ANK2: variants seen among roughly 807,000 people sequenced by gnomAD.
ANK2 encodes the protein ankyrin-2.
In ANK2, 83 loss-of-function variants were observed where a neutral mutation model predicts 360.5. The observed-to-expected ratio is 0.23, with a 90% CI of 0.19 to 0.28. ANK2 has a LOEUF of 0.28. ANK2 is among the 10% of genes least tolerant of loss of function. The probability of loss-of-function intolerance (pLI) is 1.00; values close to 1 mark genes in which losing one functional copy is unlikely to be tolerated. For missense variants in ANK2, 4,201 were observed against 4,795.7 expected (o/e 0.88, Z 3.66); for synonymous variants, 1,740 against 1,759.5 (o/e 0.99, Z 0.28).
intron 1 of ANK2, among the ~76,000 whole-genome samples, chr4:113,171,553 AG>A (rs2097951644): frequency 1.3e-5 from 2 of 152,274 alleles, no homozygotes; most frequent in South Asian, 2.1e-4. Context: ...AATCCCTTAA[AG>A]GGGTTCTAGA....
At chr4:112,814,217 T>C (rs1233183156), upstream of ANK2, among the ~76,000 whole-genome samples, 2 of 152,222 alleles carry the variant, frequency 1.3e-5, no homozygotes, top group Non-Finnish European at 2.9e-5. Flanking sequence ...CAATAGTTCA[T>C]TTTCTTATAG....
chr4:112,708,161 GTGT>G, the ANK2 span, among the ~76,000 whole-genome samples: 1 of 152,186 alleles, frequency 6.6e-6, no homozygotes, highest in Non-Finnish European at 1.5e-5. Context: ...AGGGAAAACC[GTGT>G]TGTTCTACTA....
intron 2 of ANK2, among the ~76,000 whole-genome samples, chr4:112,972,962 T>C (rs2040089467): frequency 6.6e-6 from 1 of 152,060 alleles, no homozygotes; most frequent in Non-Finnish European, 1.5e-5. Flanking sequence ...GAGTGGGAGC[T>C]AAGCTATGAG....
intron 2 of ANK2, among the ~76,000 whole-genome samples, chr4:112,939,713 C>T (rs988773082): frequency 2.6e-5 from 4 of 152,164 alleles, no homozygotes; most frequent in Non-Finnish European, 5.9e-5. Context: ...TGAAAAATCT[C>T]CCTCCTTATA....
chr4:113,356,347 G>A lies in ANK2; in HGVS notation c.7729G>A (p.Gly2577Arg), dbSNP rs768485016. The part of the protein sequence containing the change: ...ECAEEDDSEN[G>R]EKKRFTPEEE... ...TGCAGAGGAGGATGATTCAGAAAAC[G>A]GGGAGAAAAAGAGGTTCACACCTGA... Residue 2577 changes from glycine to arginine, a missense_variant, in exon 38 of 46, where the codon GGG (glycine) becomes AGG (arginine). Transcript: ENST00000357077. 35 of 1,613,990 alleles carry A rather than the reference G, an allele frequency of 2.2e-5. No homozygotes were observed. Among genetic ancestry groups the A allele is most frequent in the South Asian group, 2.1e-4 (19 of 91,082 alleles).
chr4:112,888,421 A>G (rs1227306794), intron 1 of ANK2, among the ~76,000 whole-genome samples: 2 of 152,164 alleles, frequency 1.3e-5, no homozygotes, highest in Admixed American at 6.5e-5. Flanking sequence ...AAAATATATG[A>G]GGAAGATATT....
chr4:113,207,686 C>CAA (rs34818513), intron 4 of ANK2, among the ~76,000 whole-genome samples: 2,623 of 101,418 alleles, frequency 0.026, 30 homozygotes, highest in East Asian at 0.057. Flanking sequence ...GATCACAAAG[C>CAA]AAAAAAAAAA....
chr4:112,911,675 G>A (rs558843502), intron 2 of ANK2, among the ~76,000 whole-genome samples: 114 of 152,128 alleles, frequency 7.5e-4, no homozygotes, highest in Non-Finnish European at 1.2e-3. Flanking sequence ...TCCTTATTAT[G>A]TTGTCATTGA....
intron 1 of ANK2, among the ~76,000 whole-genome samples, chr4:112,829,891 G>A (rs1033284340): frequency 6.6e-6 from 1 of 152,024 alleles, no homozygotes; most frequent in African/African-American, 2.4e-5. Context: ...CCCGGGTGGT[G>A]GAGCTTGCAG....
the ANK2 span, among the ~76,000 whole-genome samples, chr4:112,774,919 G>A: frequency 2.0e-5 from 3 of 152,170 alleles, no homozygotes; most frequent in African/African-American, 7.2e-5. Flanking sequence ...ATACTTGTGG[G>A]CAACAGGTTC....
At chr4:112,861,869 A>AG (rs773734914) in intron 1 of ANK2, among the ~76,000 whole-genome samples, 6 of 69,236 alleles carry the variant, frequency 8.7e-5, no homozygotes, top group East Asian at 9.7e-4. Flanking sequence ...GAGAGAGAGA[A>AG]ACTCTCACAG....
intron 26 of ANK2, among the ~76,000 whole-genome samples, chr4:113,321,721 GT>G (rs1194820389): frequency 6.6e-6 from 1 of 151,728 alleles, no homozygotes; most frequent in Admixed American, 6.6e-5. Flanking sequence ...GCCACTTCAA[GT>G]TCTACCCAAA....
the ANK2 span, chr4:112,788,020 C>A: frequency 1.2e-6 from 1 of 865,504 alleles, no homozygotes; most frequent in South Asian, 1.5e-5. Context: ...CAATGTATTT[C>A]TTTGAAGGAA....
At chr4:113,349,434 A>C (rs1167058692) in intron 36 of ANK2, among the ~76,000 whole-genome samples, 2 of 152,170 alleles carry the variant, frequency 1.3e-5, no homozygotes, top group Admixed American at 6.6e-5. Context: ...CCACCAGCTT[A>C]AAATGTAAGC....
chr4:112,874,549 G>C (rs1016159696), intron 1 of ANK2, among the ~76,000 whole-genome samples: 1 of 150,302 alleles, frequency 6.7e-6, no homozygotes, highest in Non-Finnish European at 1.5e-5. Flanking sequence ...GGCTGAGGCA[G>C]GAGAATCGCT....
chr4:112,969,748 A>G (rs1236302166), intron 2 of ANK2, among the ~76,000 whole-genome samples: 2 of 152,166 alleles, frequency 1.3e-5, no homozygotes, highest in African/African-American at 4.8e-5. Flanking sequence ...GTGAGCCAAT[A>G]TCTTCTTGTT....
chr4:112,924,185 T>C (rs1291340916), intron 2 of ANK2, among the ~76,000 whole-genome samples: 1 of 151,904 alleles, frequency 6.6e-6, no homozygotes, highest in African/African-American at 2.4e-5. Flanking sequence ...CTGGCCAACA[T>C]GGTGAAACCC....
chr4:113,264,864 A>T (rs1226856663), intron 13 of ANK2, 33 bp from the exon 14 acceptor site: 1 of 1,550,066 alleles, frequency 6.5e-7, no homozygotes, highest in Non-Finnish European at 8.7e-7. Context: ...CGGTGGGTTA[A>T]TTTATGATTT....
At chr4:112,845,310 A>G (rs1209181273) in intron 1 of ANK2, among the ~76,000 whole-genome samples, 1 of 132,812 alleles carries the variant, frequency 7.5e-6, no homozygotes, top group African/African-American at 2.7e-5. Context: ...GATGAACATT[A>G]TGTACTTAGG....
Sources: gnomAD v4.1 joint callset for allele counts (sites outside exome capture counted in the v4.1 genomes callset) on GRCh38, gnomAD v4.1.1 for gene constraint, MANE v1.5 for transcripts, NCBI Gene and HGNC (gene_info 2026-07-23, HGNC 2026-07-21) for gene names.